NXPE1: variants seen among roughly 807,000 people sequenced by gnomAD.
NXPE1 encodes NXPE family member 1.
Under a neutral mutation model 33.3 loss-of-function variants are expected in NXPE1, and 31 were observed. The ratio of observed to expected loss-of-function variants is 0.93; its 90% CI spans 0.70 to 1.26. The LOEUF is 1.26. Ranked by LOEUF, NXPE1 falls within the 50% of genes most tolerant of loss-of-function variation. The probability of loss-of-function intolerance (pLI) is 0.00; values close to 1 mark genes in which losing one functional copy is unlikely to be tolerated. For synonymous variants in NXPE1, 229 were observed against 231.4 expected, an observed-to-expected ratio of 0.99 and a Z score of 0.09; for missense variants, 661 against 655.6, an observed-to-expected ratio of 1.01 and a Z score of -0.09.
At chr11:114,522,831 C>T (rs1373895706) in intron 8 of NXPE1, 48 bp downstream of exon 8, 5 of 1,419,272 alleles carry the variant, frequency 3.5e-6, no homozygotes, top group Admixed American at 1.7e-5. Context: ...ATTAAAAGTA[C>T]TTTAAAACCA....
chr11:114,530,697 G>C (rs781580609), exon 6 of NXPE1: 4 of 1,614,208 alleles, frequency 2.5e-6, no homozygotes, highest in Non-Finnish European at 3.4e-6. Flanking sequence ...GTTGAGGATG[G>C]TGGCTGTGCT....
intron 7 of NXPE1, among the ~76,000 whole-genome samples, chr11:114,524,715 GTAT>G (rs1443207571): frequency 2.0e-5 from 3 of 152,142 alleles, no homozygotes; most frequent in Admixed American, 6.5e-5. Flanking sequence ...GCCTTTAAGT[GTAT>G]TGTTGTAAAC....
intron 5 of NXPE1, among the ~76,000 whole-genome samples, chr11:114,550,002 C>T (rs1027564447): frequency 2.6e-5 from 4 of 152,118 alleles, no homozygotes; most frequent in Admixed American, 6.5e-5. Flanking sequence ...CTTAAGTGTA[C>T]ATTTAGCACA....
intron 1 of NXPE1, chr11:114,553,972 A>G: frequency 2.0e-6 from 2 of 985,434 alleles, no homozygotes; most frequent in Non-Finnish European, 2.4e-6. Context: ...CCCTGCTCAT[A>G]GGAATCTCAA....
chr11:114,533,320 C>A (rs1322801675), intron 5 of NXPE1, among the ~76,000 whole-genome samples: 1 of 152,118 alleles, frequency 6.6e-6, no homozygotes. Context: ...GCCAAGATGG[C>A]AGAATAAGAA....
At position 114,527,905 on chromosome 11, in the gene NXPE1, C is replaced by CAA. The variant is rs35058533; in HGVS notation, c.834-6_834-5dup. On this transcript the variant is annotated splice_region_variant and splice_polypyrimidine_tract_variant and intron_variant, in intron 6 of 8. Transcript: ENST00000534921. ...CATTTCAACTCCCACTTTGGACCTT[C>CAA]AAAAAAAAAATAGAACAATAAATTA... 4.0e-3 allele frequency: 5,927 copies of CAA among 1,468,236 alleles called. 1 individual carries two copies. The highest frequency in any genetic ancestry group is 9.0e-3 in the East Asian group (341 of 37,794). 91.0% of individuals were successfully genotyped at this position (1,468,236 alleles called of 1,614,324 possible).
At chr11:114,552,751 G>GA (rs67199111) in intron 2 of NXPE1, 101 bp downstream of exon 2, 19 of 335,272 alleles carry the variant, frequency 5.7e-5, no homozygotes, top group Non-Finnish European at 7.2e-5. Flanking sequence ...CAGCAGCATT[G>GA]AAAAAAAAGT....
At chr11:114,553,357 G>C (rs1451141287) in intron 1 of NXPE1, among the ~76,000 whole-genome samples, 1 of 152,142 alleles carries the variant, frequency 6.6e-6, no homozygotes, top group Non-Finnish European at 1.5e-5. Context: ...TTGGATTGCT[G>C]ATATGTCACA....
chr11:114,542,914 A>G (rs1317273657), intron 5 of NXPE1, among the ~76,000 whole-genome samples: 10 of 152,214 alleles, frequency 6.6e-5, no homozygotes, highest in Admixed American at 6.5e-4. Flanking sequence ...GACACCAAAC[A>G]TATTTACCAC....
chr11:114,542,510 T>C (rs1325447559), intron 5 of NXPE1, among the ~76,000 whole-genome samples: 1 of 152,164 alleles, frequency 6.6e-6, no homozygotes, highest in African/African-American at 2.4e-5. Context: ...GAGAATAGTA[T>C]GCAATGGTTG....
At chr11:114,531,851 G>A (rs955580188) in intron 5 of NXPE1, among the ~76,000 whole-genome samples, 2 of 152,020 alleles carry the variant, frequency 1.3e-5, no homozygotes, top group Non-Finnish European at 2.9e-5. Context: ...GGCACTATAC[G>A]GTGCTTTATA....
exon 9 of NXPE1, chr11:114,522,172 G>C (rs1176894595): frequency 6.2e-7 from 1 of 1,613,946 alleles, no homozygotes; most frequent in Non-Finnish European, 8.5e-7. Context: ...GCATCTCCCT[G>C]ATGTTTTCTG....
chr11:114,522,802 A>G, intron 8 of NXPE1, 77 bp downstream of exon 8: 1 of 1,028,702 alleles, frequency 9.7e-7, no homozygotes, highest in Admixed American at 2.1e-5. Flanking sequence ...AATAGCTCAA[A>G]CGAGAGAATA....
rs368544262 is a variant in NXPE1 at position 114,522,258 on chromosome 11, G to A, written c.1354C>T (p.Arg452Cys). The change falls in exon 9 of 9, where the codon CGC becomes TGC. Residue 452 changes from arginine to cysteine, a missense_variant. Coordinates refer to ENST00000534921, the Ensembl canonical transcript of NXPE1. ...GCCTTTTGAACACCGATGGCCCTGCGAATAAAAATGTCAATGGGAAATGGT... is the reference window on the plus strand; with the variant it reads ...GCCTTTTGAACACCGATGGCCCTGCAAATAAAAATGTCAATGGGAAATGGT... 52 of 1,613,888 alleles carry A rather than the reference G, an allele frequency of 3.2e-5. No individual in the cohort carries two copies. The highest frequency in any genetic ancestry group is 1.7e-4 in the Middle Eastern group (1 of 6,046).
intron 5 of NXPE1, among the ~76,000 whole-genome samples, chr11:114,534,163 C>A (rs922054301): frequency 1.3e-5 from 2 of 152,172 alleles, no homozygotes; most frequent in Non-Finnish European, 2.9e-5. Flanking sequence ...CTGCTGATAC[C>A]CAGGCAAACA....
exon 9 of NXPE1, chr11:114,522,465 T>G: frequency 6.2e-7 from 1 of 1,609,438 alleles, no homozygotes; most frequent in Non-Finnish European, 8.5e-7. Context: ...AAATGTTTCT[T>G]AAAGATTCCA....
intron 5 of NXPE1, among the ~76,000 whole-genome samples, chr11:114,550,737 T>G (rs1478254851): frequency 6.6e-6 from 1 of 152,148 alleles, no homozygotes; most frequent in Non-Finnish European, 1.5e-5. Context: ...AAATAACTTT[T>G]GCATGGAAAA....
At chr11:114,549,438 TTTG>T (rs1418241282) in intron 5 of NXPE1, among the ~76,000 whole-genome samples, 2 of 152,024 alleles carry the variant, frequency 1.3e-5, no homozygotes, top group Non-Finnish European at 2.9e-5. Flanking sequence ...GAATACACAT[TTTG>T]TTCCGTTTTT....
At chr11:114,539,957 A>G (rs765124758) in intron 5 of NXPE1, among the ~76,000 whole-genome samples, 33 of 152,192 alleles carry the variant, frequency 2.2e-4, no homozygotes, top group Non-Finnish European at 4.4e-4. Flanking sequence ...TGCATTAAAG[A>G]CCTTAATACG....
Sources: allele counts gnomAD v4.1 joint callset (sites outside exome capture counted in the v4.1 genomes callset), GRCh38; gene constraint gnomAD v4.1.1; transcripts MANE v1.5; gene names NCBI Gene and HGNC (gene_info 2026-07-23, HGNC 2026-07-21).